ATXN2: variants seen among roughly 807,000 people sequenced by gnomAD.
ATXN2 encodes ataxin-2.
A neutral mutation model predicts 138.6 loss-of-function variants in ATXN2; 37 were observed. The observed-to-expected ratio is 0.27, with a 90% confidence interval of 0.21 to 0.35. The LOEUF (loss-of-function observed/expected upper bound fraction) is 0.35, where lower values mean the gene tolerates loss of function less well. Ranked by LOEUF, ATXN2 falls within the 10% of genes least tolerant of loss-of-function variation. ATXN2 has a pLI of 1.00. For missense variants in ATXN2, 1,216 were observed against 1,480.3 expected (o/e 0.82, Z 2.93); for synonymous variants, 549 against 543.7 (o/e 1.01, Z -0.13).
intron 23 of ATXN2, chr12:111,455,107 C>A (rs939701714): frequency 5.7e-6 from 4 of 702,890 alleles, no homozygotes; most frequent in Non-Finnish European, 1.0e-5. Context: ...CTTGCCAGAG[C>A]CTCACTGGCG....
At chr12:111,593,792 G>T (rs944556970) in intron 1 of ATXN2, among the ~76,000 whole-genome samples, 1 of 152,140 alleles carries the variant, frequency 6.6e-6, no homozygotes, top group African/African-American at 2.4e-5. Flanking sequence ...TACCTCTAAT[G>T]ACCCTCAATG....
intron 14 of ATXN2, among the ~76,000 whole-genome samples, chr12:111,495,980 C>CA (rs142965624): frequency 0.23 from 30,642 of 133,512 alleles, 3,318 homozygotes; most frequent in East Asian, 0.35. Context: ...CCCATCTCTA[C>CA]AAAAAAAAAA....
intron 2 of ATXN2, among the ~76,000 whole-genome samples, chr12:111,554,741 G>A (rs1882299762): frequency 6.6e-6 from 1 of 152,186 alleles, no homozygotes; most frequent in Non-Finnish European, 1.5e-5. Context: ...GGTGGGCAAT[G>A]AAACTGTTCT....
intron 18 of ATXN2, among the ~76,000 whole-genome samples, chr12:111,477,652 T>G (rs1301023781): frequency 6.6e-6 from 1 of 152,220 alleles, no homozygotes; most frequent in Non-Finnish European, 1.5e-5. Context: ...GGAGAAAATA[T>G]TCACAATATT....
intron 1 of ATXN2, among the ~76,000 whole-genome samples, chr12:111,596,968 C>T (rs565593185): frequency 7.2e-4 from 109 of 152,196 alleles, no homozygotes; most frequent in Admixed American, 3.5e-3. Flanking sequence ...AAATCTCTTC[C>T]TAATACCTAA....
At chr12:111,475,344 C>CAA (rs772048264) in intron 18 of ATXN2, among the ~76,000 whole-genome samples, 6,334 of 45,878 alleles carry the variant, frequency 0.14, 1,038 homozygotes, top group African/African-American at 0.35. Context: ...GATTCCATCT[C>CAA]AAAAAAAAAA....
At chr12:111,483,188 AACAC>A (rs746562037) in intron 18 of ATXN2, among the ~76,000 whole-genome samples, 1 of 118,946 alleles carries the variant, frequency 8.4e-6, no homozygotes, top group African/African-American at 3.7e-5. Flanking sequence ...CCCTGTATCA[AACAC>A]ATACACACAC....
intron 18 of ATXN2, among the ~76,000 whole-genome samples, chr12:111,472,426 C>G (rs1254091144): frequency 6.6e-6 from 1 of 151,974 alleles, no homozygotes; most frequent in Non-Finnish European, 1.5e-5. Flanking sequence ...ACAGCAATAG[C>G]CTTCATATAT....
chr12:111,464,814 A>G (rs976674969), intron 20 of ATXN2, 99 bp from the exon 21 acceptor site: 2 of 888,012 alleles, frequency 2.3e-6, no homozygotes, highest in Admixed American at 4.0e-5. Flanking sequence ...TTTTGTATTC[A>G]TGCATAATTC....
At chr12:111,566,469 AT>A (rs1362494435) in intron 1 of ATXN2, among the ~76,000 whole-genome samples, 289 of 151,460 alleles carry the variant, frequency 1.9e-3, no homozygotes, top group African/African-American at 5.9e-3. Context: ...AAAGAAATAC[AT>A]TCTGTAAGGC....
upstream of ATXN2, chr12:111,599,421 G>A: frequency 8.5e-7 from 1 of 1,178,840 alleles, no homozygotes; most frequent in Non-Finnish European, 1.0e-6. Flanking sequence ...GCCGGCCGCT[G>A]GAGCGAGCGC....
At chr12:111,455,245 C>G in intron 23 of ATXN2, 1 of 658,562 alleles carries the variant, frequency 1.5e-6, no homozygotes, top group Non-Finnish European at 2.8e-6. Context: ...CAGGGAGGGC[C>G]TCAAGGCCAG....
chr12:111,580,514 A>T (rs550653683), intron 1 of ATXN2, among the ~76,000 whole-genome samples: 107 of 140,400 alleles, frequency 7.6e-4, no homozygotes, highest in South Asian at 2.3e-3. Context: ...TCCAAAAAAG[A>T]AAAAAAAAAA....
chr12:111,513,107 T>A, intron 11 of ATXN2: 1 of 439,414 alleles, frequency 2.3e-6, no homozygotes, highest in South Asian at 2.9e-5. Context: ...TAATGTAGAC[T>A]AGGCAAGAAT....
chr12:111,578,256 T>C (rs1412464619), intron 1 of ATXN2, among the ~76,000 whole-genome samples: 2 of 152,168 alleles, frequency 1.3e-5, no homozygotes, highest in Non-Finnish European at 2.9e-5. Context: ...TCAGTGTTTG[T>C]CTACAGTAGC....
Position 111,552,276 on chromosome 12 carries a change from C to T in ATXN2, c.571+4G>A, listed in dbSNP as rs1361470363. 3.2e-6 allele frequency: 5 copies of T among 1,582,364 alleles called. No individual in the cohort carries two copies. Among genetic ancestry groups the T allele is most frequent in the Non-Finnish European group, 4.3e-6 (5 of 1,168,470 alleles). Reference sequence around the variant, plus strand: ...TGAGGCATATTTAGGAAATCAAAACCCACCTCTTTTTGCATAACTGGAGTC... The same window carrying T: ...TGAGGCATATTTAGGAAATCAAAACTCACCTCTTTTTGCATAACTGGAGTC... On this transcript the variant is annotated splice_donor_region_variant and intron_variant, in intron 5 of 24. Coordinates refer to ENST00000673436, the MANE Select transcript of ATXN2 (RefSeq NM_001372574.1). This position sits in a 1 kb window ranked among gnomAD's most constrained non-coding sequence, Gnocchi z 4.1.
chr12:111,503,485 C>A (rs368679711), intron 14 of ATXN2, among the ~76,000 whole-genome samples: 3 of 151,772 alleles, frequency 2.0e-5, no homozygotes, highest in Non-Finnish European at 2.9e-5. Context: ...ACAGGAAATA[C>A]GCAATAAAAC....
rs1874813297 is a variant in ATXN2 at position 111,453,333 on chromosome 12, T to G, written c.3439+344A>C. 6 of 1,086,464 alleles carry G rather than the reference T, an allele frequency of 5.5e-6. No homozygotes were observed. The highest frequency in any genetic ancestry group is 6.7e-6 in the Non-Finnish European group (6 of 895,412). The allele number at this position is 1,086,464 out of a possible 1,614,324, so 67.3% of individuals were successfully genotyped here. ...TCTGCCATGGTAATAACCCCCCACA[T>G]GTCAGACTTTTGGGACTCAGGAAGG... On this transcript the variant is annotated intron_variant, in intron 24 of 24. Coordinates refer to ENST00000673436, the MANE Select transcript of ATXN2 (RefSeq NM_001372574.1). This position sits in a 1 kb window ranked among gnomAD's most constrained non-coding sequence, Gnocchi z 5.4.
chr12:111,467,290 G>A (rs1186801773), intron 20 of ATXN2, among the ~76,000 whole-genome samples: 1 of 132,590 alleles, frequency 7.5e-6, no homozygotes, highest in Non-Finnish European at 1.5e-5. Context: ...CTACAGGCAT[G>A]TGCCACCATG....
Sources: allele counts gnomAD v4.1 joint callset (sites outside exome capture counted in the v4.1 genomes callset), GRCh38; gene constraint gnomAD v4.1.1; non-coding constraint Gnocchi (gnomAD v3.1); transcripts MANE v1.5; gene names NCBI Gene and HGNC (gene_info 2026-07-23, HGNC 2026-07-21).